Variants in COQ8A observed in about 807,000 individuals in gnomAD.
COQ8A encodes coenzyme Q8A.
A neutral mutation model predicts 65.0 loss-of-function variants in COQ8A; 51 were observed. That is an observed-to-expected ratio of 0.78 (90% confidence interval 0.63 to 0.99). The LOEUF is 0.99. COQ8A is among the 50% of genes least tolerant of loss of function. The pLI, the probability that COQ8A is intolerant of heterozygous loss-of-function variation, is 0.00. For synonymous variants in COQ8A, 371 were observed against 353.2 expected (o/e 1.05, Z -0.57); for missense variants, 940 against 875.0 (o/e 1.07, Z -0.94).
At chr1:226,948,685 G>C (rs772900347) in intron 1 of COQ8A, among the ~76,000 whole-genome samples, 1 of 152,136 alleles carries the variant, frequency 6.6e-6, no homozygotes, top group Non-Finnish European at 1.5e-5. Context: ...GGATCACTCT[G>C]TGTGTGTGGG....
intron 5 of COQ8A, 34 bp downstream of exon 5, chr1:226,977,557 G>T: frequency 6.5e-7 from 1 of 1,546,092 alleles, no homozygotes. Flanking sequence ...GGGGCAGGGT[G>T]GGCCCCGGGA....
At chr1:226,962,565 G>A (rs1892490) in intron 2 of COQ8A, among the ~76,000 whole-genome samples, 37,662 of 152,148 alleles carry the variant, frequency 0.25, 5,013 homozygotes, top group East Asian at 0.4. Flanking sequence ...TGGAGGTTGT[G>A]TCGCAGCTTC....
chr1:226,975,102 T>G (rs908760006), intron 4 of COQ8A: 1 of 152,244 alleles, frequency 6.6e-6, no homozygotes, highest in Non-Finnish European at 1.5e-5. Context: ...CACAGGCTAA[T>G]GTTGCCTGTC....
At chr1:226,943,947 G>A (rs1656845710) in intron 1 of COQ8A, among the ~76,000 whole-genome samples, 1 of 152,110 alleles carries the variant, frequency 6.6e-6, no homozygotes, top group South Asian at 2.1e-4. Flanking sequence ...TGCCTGGCCT[G>A]AGTGTGGGGA....
chr1:226,974,181 CTG>C (rs1344579583), intron 4 of COQ8A, among the ~76,000 whole-genome samples: 3 of 152,176 alleles, frequency 2.0e-5, no homozygotes, highest in Admixed American at 6.5e-5. Context: ...TTGTGGGGGA[CTG>C]GGCTCCAGAA....
At chr1:226,956,878 C>A (rs1208030033) in intron 1 of COQ8A, among the ~76,000 whole-genome samples, 1 of 109,310 alleles carries the variant, frequency 9.1e-6, no homozygotes, top group Non-Finnish European at 1.8e-5. Context: ...TCCCTGGCTC[C>A]CACTCTCCCT....
intron 4 of COQ8A, among the ~76,000 whole-genome samples, chr1:226,970,660 T>C (rs1049911854): frequency 9.2e-5 from 14 of 152,228 alleles, no homozygotes; most frequent in South Asian, 4.1e-4. Context: ...TCTTGACTTA[T>C]TACAATATAA....
intron 1 of COQ8A, among the ~76,000 whole-genome samples, chr1:226,941,680 T>C (rs1008851542): frequency 1.4e-5 from 2 of 145,656 alleles, no homozygotes; most frequent in Admixed American, 1.4e-4. Flanking sequence ...GAGGCTGAGG[T>C]GGGAGAATTG....
chr1:226,948,483 TTTGAGACACCATTATTCAGCCTACCACAG>T lies in COQ8A; in HGVS notation c.-10+8085_-10+8113del, dbSNP rs1351423730. Among the ~76,000 whole-genome samples, 6 of 152,318 alleles carry T rather than the reference TTTGAGACACCATTATTCAGCCTACCACAG, an allele frequency of 3.9e-5. No individual in the cohort carries two copies. The East Asian group carries it at 9.6e-4, about 24-fold the overall frequency. On this transcript the variant is annotated intron_variant, in intron 1 of 14. Coordinates refer to ENST00000366777, the MANE Select transcript of COQ8A (RefSeq NM_020247.5). ...TTCTGGGGATTGTGGTATGGGTATC[TTTGAGACACCATTATTCAGCCTACCACAG>T]CCACCCACAGTATTTTGGCCAGATT...
rs956004289 is a variant in COQ8A, at chr1:226,984,619, C to A, written c.1470C>A (p.Asn490Lys). ...FEFHFMQTDP[N>K]WSNFFYDPQQ... ...TCCACTTCATGCAAACAGACCCCAA[C>A]TGGTCCAACTTCTTCTATGACCCCC... Residue 490 changes from asparagine to lysine, a missense_variant, in exon 12 of 15, where the codon AAC (asparagine) becomes AAA (lysine). By Grantham distance (94) the Asn-to-Lys change is moderately conservative. Transcript: ENST00000366777. 17 of 1,614,216 alleles carry A rather than the reference C, an allele frequency of 1.1e-5. No individual in the cohort carries two copies. Among genetic ancestry groups the A allele is most frequent in the Non-Finnish European group, 1.4e-5 (17 of 1,180,022 alleles).
chr1:226,960,427 G>GTGA (rs1445663962), intron 1 of COQ8A, among the ~76,000 whole-genome samples: 4 of 100,998 alleles, frequency 4.0e-5, no homozygotes, highest in Non-Finnish European at 8.7e-5. Flanking sequence ...GTACTTGGTG[G>GTGA]TGGTACTTGG....
chr1:226,971,327 T>C, intron 4 of COQ8A, among the ~76,000 whole-genome samples: 1 of 151,770 alleles, frequency 6.6e-6, no homozygotes, highest in African/African-American at 2.4e-5. Flanking sequence ...TCAGGGTGGG[T>C]GGATCATGAG....
Position 226,965,751 on chromosome 1 carries a change from G to C in COQ8A, c.655+14G>C, listed in dbSNP as rs1658531861. 1.2e-6 allele frequency: 2 copies of C among 1,613,074 alleles called. No homozygotes were observed. The highest frequency in any genetic ancestry group is 1.7e-5 in the Admixed American group (1 of 60,016). ...CCAACTTCGGAGGTAAGGTGGCTGT[G>C]TGCCCCTGGACTGCCTCACCTGCCC... On this transcript the variant is annotated intron_variant, in intron 4 of 14. Transcript: ENST00000366777.
rs376283800 is a variant in COQ8A at position 226,986,689 on chromosome 1, G to A, written c.1896G>A (p.Met632Ile). Residue 632 changes from methionine to isoleucine, a missense_variant, in exon 15 of 15, where the codon ATG becomes ATA. Coordinates refer to ENST00000366777, the MANE Select transcript of COQ8A (RefSeq NM_020247.5). Reference sequence around the variant, plus strand: ...AGGCCCGCTTCCCCTGCAAGGCCATGTTCGAGGAGGCCTACAGCAACTACT... The same window carrying A: ...AGGCCCGCTTCCCCTGCAAGGCCATATTCGAGGAGGCCTACAGCAACTACT... ...KLKARFPCKA[M>I]FEEAYSNYCK... 1 of 1,613,972 alleles carries A rather than the reference G, an allele frequency of 6.2e-7. No homozygotes were observed. The highest frequency in any genetic ancestry group is 8.5e-7 in the Non-Finnish European group (1 of 1,180,050).
chr1:226,978,157 ACACC>A (rs909603354), intron 5 of COQ8A, among the ~76,000 whole-genome samples: 2 of 144,842 alleles, frequency 1.4e-5, no homozygotes, highest in African/African-American at 2.6e-5. Flanking sequence ...TACCCTCCAC[ACACC>A]CACGCACCTT....
At chr1:226,978,839 C>T (rs535527440) in intron 5 of COQ8A, among the ~76,000 whole-genome samples, 16 of 118,230 alleles carry the variant, frequency 1.4e-4, no homozygotes, top group Non-Finnish European at 2.6e-4. Context: ...CCTCCTTACA[C>T]ACCCACCTCA....
chr1:226,985,313 G>A lies in COQ8A; in HGVS notation c.1632G>A (p.Met544Ile). Residue 544 changes from methionine (M) to isoleucine (I), a missense_variant, in exon 14 of 15, where the codon ATG becomes ATA. Transcript: ENST00000366777. ...RETVRAKSIEMKFLTGYEVKV... is the reference protein window; with the variant it reads ...RETVRAKSIEIKFLTGYEVKV... ...CTGTGCGGGCGAAATCCATAGAGAT[G>A]AAGTTCCTCACCGGCTACGAGGTCA... The A allele has an allele frequency of 6.2e-7, 1 of 1,613,794 alleles. No individual in the cohort carries two copies. Among genetic ancestry groups the A allele is most frequent in the Non-Finnish European group, 8.5e-7 (1 of 1,180,028 alleles).
At chr1:226,984,762 C>A in intron 12 of COQ8A, 107 bp downstream of exon 12, 1 of 1,488,412 alleles carries the variant, frequency 6.7e-7, no homozygotes, top group Non-Finnish European at 9.4e-7. Flanking sequence ...GCAGAGAGCT[C>A]AGGGCTCTGG....
chr1:226,961,340 C>T, intron 1 of COQ8A, 37 bp from the exon 2 acceptor site: 1 of 1,611,528 alleles, frequency 6.2e-7, no homozygotes, highest in South Asian at 1.1e-5. Flanking sequence ...CCTGCAGAGG[C>T]CTGGGGCCTC....
Sources: gnomAD v4.1 joint callset for allele counts (sites outside exome capture counted in the v4.1 genomes callset) on GRCh38, gnomAD v4.1.1 for gene constraint, MANE v1.5 for transcripts, NCBI Gene and HGNC (gene_info 2026-07-23, HGNC 2026-07-21) for gene names.